SORBS2: variants seen among roughly 807,000 people sequenced by gnomAD.
SORBS2 encodes the protein sorbin and SH3 domain-containing protein 2.
A neutral mutation model predicts 97.7 loss-of-function variants in SORBS2; 46 were observed. The ratio of observed to expected loss-of-function variants is 0.47; its 90% CI spans 0.37 to 0.60. The LOEUF is 0.60. SORBS2 is among the 20% of genes least tolerant of loss of function. SORBS2 has a pLI of 0.00. For missense variants in SORBS2, 1,316 were observed against 1,282.3 expected (o/e 1.03, Z -0.40); for synonymous variants, 476 against 473.4 (o/e 1.01, Z -0.07).
chr4:185,624,331 C>T (rs1030159396), exon 7 of SORBS2: 28 of 1,614,026 alleles, frequency 1.7e-5, no homozygotes, highest in Non-Finnish European at 2.3e-5. Flanking sequence ...CTGCGTTTTG[C>T]CGGGCCATTT....
At chr4:185,661,238 T>C (rs1276935269), upstream of SORBS2, among the ~76,000 whole-genome samples, 1 of 151,052 alleles carries the variant, frequency 6.6e-6, no homozygotes, top group Admixed American at 6.6e-5. Context: ...ATCGCCCCAT[T>C]GCACTCCAGC....
chr4:185,813,510 G>A (rs1344799453), intron 1 of SORBS2, among the ~76,000 whole-genome samples: 1 of 152,198 alleles, frequency 6.6e-6, no homozygotes, highest in Non-Finnish European at 1.5e-5. Context: ...TCTCACTGAA[G>A]TTCCCTTCCC....
chr4:185,929,692 C>T (rs111299018), intron 1 of SORBS2, among the ~76,000 whole-genome samples: 21 of 152,118 alleles, frequency 1.4e-4, no homozygotes, highest in African/African-American at 4.6e-4. Flanking sequence ...TGCACCACCA[C>T]GCCCAGCTGA....
In SORBS2 at chr4:185,805,849, G is replaced by A. The variant is rs1375999825; in HGVS notation, c.-337-30483C>T. 1.3e-5 allele frequency among the ~76,000 whole-genome samples: 2 copies of A among 152,192 alleles called. 1 individual carries two copies. The highest frequency in any genetic ancestry group is 2.9e-5 in the Non-Finnish European group (2 of 68,024). ...AAAGTGCTCAAACCCTTCACCAGAT[G>A]ACACAGTTATAGCACAACAACAGCT... On this transcript the variant is annotated intron_variant, in intron 1 of 20. Coordinates refer to the SORBS2 transcript ENST00000284776.
At chr4:185,877,268 A>G (rs2099234158) in intron 1 of SORBS2, among the ~76,000 whole-genome samples, 1 of 152,194 alleles carries the variant, frequency 6.6e-6, no homozygotes. Context: ...ATAAAATTAA[A>G]GGCTGATCTT....
chr4:185,675,808 C>T (rs948159627), intron 4 of SORBS2, among the ~76,000 whole-genome samples: 9 of 152,140 alleles, frequency 5.9e-5, no homozygotes, highest in South Asian at 2.1e-4. Flanking sequence ...CTCTACTGAA[C>T]GAATTTTGCA....
chr4:185,765,438 G>A (rs1560878210), intron 2 of SORBS2, among the ~76,000 whole-genome samples: 1 of 152,122 alleles, frequency 6.6e-6, no homozygotes, highest in Non-Finnish European at 1.5e-5. Flanking sequence ...AAAAAATTAT[G>A]ATGTGGACAC....
At chr4:185,730,401 T>C (rs1395591874) in intron 2 of SORBS2, among the ~76,000 whole-genome samples, 1 of 151,926 alleles carries the variant, frequency 6.6e-6, no homozygotes, top group Non-Finnish European at 1.5e-5. Flanking sequence ...ATTTAATTTC[T>C]TCATTATAGA....
chr4:185,941,530 A>C (rs2099272000), intron 1 of SORBS2, among the ~76,000 whole-genome samples: 1 of 152,174 alleles, frequency 6.6e-6, no homozygotes, highest in African/African-American at 2.4e-5. Context: ...ATACCTTTCC[A>C]GCATTGCTTC....
chr4:185,675,526 G>A (rs1395849004), intron 4 of SORBS2: 1 of 152,302 alleles, frequency 6.6e-6, no homozygotes, highest in Non-Finnish European at 1.5e-5. Context: ...AGCCTGCCAG[G>A]GTGTGTATTC....
chr4:185,609,423 T>C (rs571257931), intron 12 of SORBS2, among the ~76,000 whole-genome samples: 5 of 152,312 alleles, frequency 3.3e-5, no homozygotes, highest in East Asian at 1.9e-4. Context: ...ACCATCACCA[T>C]TGCTATCTGA....
intron 1 of SORBS2, among the ~76,000 whole-genome samples, chr4:185,653,017 G>A (rs1206629821): frequency 6.6e-6 from 1 of 152,100 alleles, no homozygotes; most frequent in Admixed American, 6.5e-5. Context: ...GTTGATATTT[G>A]CACAAATATA....
chr4:185,624,545 A>T (rs2096777388), intron 6 of SORBS2, 51 bp from the exon 19 acceptor site: 1 of 1,528,218 alleles, frequency 6.5e-7, no homozygotes, highest in Admixed American at 2.0e-5. Context: ...AGAAGTTAAA[A>T]GGTTCACAAA....
intron 1 of SORBS2, among the ~76,000 whole-genome samples, chr4:185,927,875 T>C (rs979488342): frequency 6.6e-5 from 10 of 152,204 alleles, no homozygotes; most frequent in African/African-American, 2.4e-4. Context: ...ACAAGTCCTA[T>C]CATTTTCATC....
intron 12 of SORBS2, among the ~76,000 whole-genome samples, chr4:185,604,511 C>T (rs2096358858): frequency 6.6e-6 from 1 of 152,128 alleles, no homozygotes; most frequent in Admixed American, 6.5e-5. Flanking sequence ...GCTTGCTCTC[C>T]CGAAGAAAAT....
At chr4:185,616,315 A>G (rs2096626229) in intron 9 of SORBS2, among the ~76,000 whole-genome samples, 1 of 152,246 alleles carries the variant, frequency 6.6e-6, no homozygotes, top group Non-Finnish European at 1.5e-5. Context: ...GAATGATCAC[A>G]CATTTAGAAG....
chr4:185,611,811 C>T, exon 12 of SORBS2: 1 of 1,614,054 alleles, frequency 6.2e-7, no homozygotes, highest in Non-Finnish European at 8.5e-7. Flanking sequence ...AATCCTATCA[C>T]TAGAATAGCT....
chr4:185,927,241 TATA>T (rs561422931), intron 1 of SORBS2, among the ~76,000 whole-genome samples: 93 of 151,206 alleles, frequency 6.2e-4, no homozygotes, highest in African/African-American at 2.2e-3. Flanking sequence ...TTTCCTAACT[TATA>T]AAAAAATTTT....
chr4:185,829,454 C>T (rs1402573004), intron 1 of SORBS2, among the ~76,000 whole-genome samples: 1 of 151,932 alleles, frequency 6.6e-6, no homozygotes, highest in Non-Finnish European at 1.5e-5. Context: ...AATGTGATTA[C>T]ATACACACAA....
Sources: allele counts gnomAD v4.1 joint callset (sites outside exome capture counted in the v4.1 genomes callset), GRCh38; gene constraint gnomAD v4.1.1; transcripts MANE v1.5; gene names NCBI Gene and HGNC (gene_info 2026-07-23, HGNC 2026-07-21).